Variants in BAG2 observed in about 807,000 individuals in gnomAD.
BAG2 encodes BAG cochaperone 2.
Under a neutral mutation model 16.4 loss-of-function variants are expected in BAG2, and 8 were observed. That is an observed-to-expected ratio of 0.49 (90% confidence interval 0.29 to 0.88). The LOEUF is 0.88. BAG2 is among the 40% of genes least tolerant of loss of function. BAG2 has a pLI of 0.09. For missense variants in BAG2, 218 were observed against 248.9 expected, an observed-to-expected ratio of 0.88 and a Z score of 0.84; for synonymous variants, 82 against 89.2, an observed-to-expected ratio of 0.92 and a Z score of 0.46.
At chr6:57,182,375 C>G (rs1364859108) in intron 2 of BAG2, among the ~76,000 whole-genome samples, 1 of 151,854 alleles carries the variant, frequency 6.6e-6, no homozygotes, top group Non-Finnish European at 1.5e-5. Context: ...TAGGAAAAAG[C>G]CTGCAAGCTC....
chr6:57,172,478 C>T lies in BAG2; in HGVS notation c.-220C>T. 1.5e-5 allele frequency: 6 copies of T among 389,534 alleles called. No homozygotes were observed. The highest frequency in any genetic ancestry group is 2.3e-5 in the Non-Finnish European group (5 of 214,624). 24.1% of individuals were successfully genotyped at this position (389,534 alleles called of 1,614,324 possible). On this transcript the variant is annotated 5_prime_UTR_variant, in exon 1 of 3. Coordinates refer to ENST00000370693, the MANE Select transcript of BAG2 (RefSeq NM_004282.4). ...TAACTCCAGCCGCTGCAGCCCCCTC[C>T]CAGGCCCGGCGTCCCCGAGCCCCGC... is the stretch of plus-strand genomic sequence containing the variant.
In BAG2 at chr6:57,189,375, T is replaced by TAATA. The variant is rs1764743916; in HGVS notation, c.*5186_*5189dup. 1 of 152,216 alleles carries TAATA rather than the reference T, an allele frequency of 6.6e-6. No homozygotes were observed. Among genetic ancestry groups the TAATA allele is most frequent in the African/African-American group, 2.4e-5 (1 of 41,454 alleles). The allele number at this position is 152,216 out of a possible 1,614,324, so 9.4% of individuals were successfully genotyped here. A position where few individuals can be genotyped will look rare whatever the true frequency, so the allele number is the denominator to read the frequency against. ...ATGTAATTTTAGTTAAGACTAATAA[T>TAATA]AATATTTTTGTGCACTTTAAAAATG... On this transcript the variant is annotated 3_prime_UTR_variant, in exon 3 of 3. Coordinates refer to ENST00000370693, the MANE Select transcript of BAG2 (RefSeq NM_004282.4).
chr6:57,176,354 T>C (rs1213320355), intron 1 of BAG2, among the ~76,000 whole-genome samples: 1 of 152,198 alleles, frequency 6.6e-6, no homozygotes, highest in Non-Finnish European at 1.5e-5. Flanking sequence ...TTTTCTTAAA[T>C]ATATCACATT....
Position 57,186,271 on chromosome 6 carries a change from T to C in BAG2, c.*2081T>C, listed in dbSNP as rs886753202. The C allele has an allele frequency of 1.3e-5, 2 of 152,252 alleles. No individual in the cohort carries two copies. The highest frequency in any genetic ancestry group is 2.4e-5 in the African/African-American group (1 of 41,448). The allele number at this position is 152,252 out of a possible 1,614,324, so 9.4% of individuals were successfully genotyped here. The stretch of plus-strand genomic sequence containing the variant: ...CATTTTGTAGACGTTTGGTGTTGAA[T>C]ATATGCTATGGAGGCAGTTTCTATA... On this transcript the variant is annotated 3_prime_UTR_variant, in exon 3 of 3. Coordinates refer to ENST00000370693, the MANE Select transcript of BAG2 (RefSeq NM_004282.4).
At position 57,172,452 on chromosome 6, in the gene BAG2, C is replaced by CT; in HGVS notation, c.-245dup. On this transcript the variant is annotated 5_prime_UTR_variant, in exon 1 of 3. Coordinates refer to ENST00000370693, the MANE Select transcript of BAG2 (RefSeq NM_004282.4). ...TCGAGCCCGTGTGGCTCGCGAACCT[C>CT]TAACTCCAGCCGCTGCAGCCCCCTC... The CT allele has an allele frequency of 3.0e-6, 1 of 330,892 alleles. No homozygotes were observed. The highest frequency in any genetic ancestry group is 6.9e-5 in the South Asian group (1 of 14,408). The allele number at this position is 330,892 out of a possible 1,614,324, so 20.5% of individuals were successfully genotyped here. A position where few individuals can be genotyped will look rare whatever the true frequency, so the allele number is the denominator to read the frequency against.
intron 2 of BAG2, among the ~76,000 whole-genome samples, chr6:57,183,208 GCTGA>G (rs1177254323): frequency 3.3e-5 from 5 of 152,324 alleles, no homozygotes; most frequent in Admixed American, 6.5e-5. Context: ...GCAGGAGCTT[GCTGA>G]CTTTCTCATA....
intron 1 of BAG2, among the ~76,000 whole-genome samples, chr6:57,176,715 G>GT (rs1420323230): frequency 2.6e-5 from 4 of 152,230 alleles, no homozygotes; most frequent in African/African-American, 4.8e-5. Flanking sequence ...CTGGCTTAAA[G>GT]TTTCATGTTA....
In BAG2 at chr6:57,172,824, G is replaced by A; in HGVS notation, c.113+14G>A. The A allele has an allele frequency of 6.8e-7, 1 of 1,478,814 alleles. No homozygotes were observed. The highest frequency in any genetic ancestry group is 9.0e-7 in the Non-Finnish European group (1 of 1,112,342). The allele number at this position is 1,478,814 out of a possible 1,614,324, so 91.6% of individuals were successfully genotyped here. A position where few individuals can be genotyped will look rare whatever the true frequency, so the allele number is the denominator to read the frequency against. The stretch of plus-strand genomic sequence containing the variant: ...GCTGGAGCTCAGGTGAGCTCCGGGC[G>A]GGCGGTCTCGGGCGTTCTGCTCGCC... On this transcript the variant is annotated intron_variant, in intron 1 of 2. Coordinates refer to ENST00000370693, the MANE Select transcript of BAG2 (RefSeq NM_004282.4).
At position 57,183,781 on chromosome 6, in the gene BAG2, A is replaced by T; in HGVS notation, c.227A>T (p.Glu76Val). ...SQDMRQISDG[E>V]REELNLTANR... Reference sequence around the variant, plus strand: ...TACATCTCATATTGATTTTTAGGAGAAAGAGAAGAATTAAATCTGACTGCA... The same window carrying T: ...TACATCTCATATTGATTTTTAGGAGTAAGAGAAGAATTAAATCTGACTGCA... The change falls in exon 3 of 3, where the codon GAA (glutamate) becomes GTA (valine). Residue 76 changes from glutamate to valine, a missense_variant. Glu to Val is a moderately radical substitution (Grantham distance 121, BLOSUM62 -2). Transcript: ENST00000370693. The T allele has an allele frequency of 6.4e-7, 1 of 1,556,768 alleles. No individual in the cohort carries two copies.
chr6:57,183,347 TC>T (rs1490490611), intron 2 of BAG2, among the ~76,000 whole-genome samples: 7 of 152,244 alleles, frequency 4.6e-5, no homozygotes, highest in Non-Finnish European at 1.0e-4. Flanking sequence ...TTATCTTCTA[TC>T]GTGGCTACAT....
At position 57,187,681 on chromosome 6, in the gene BAG2, C is replaced by T. The variant is rs531538724; in HGVS notation, c.*3491C>T. 32 of 152,102 alleles carry T rather than the reference C, an allele frequency of 2.1e-4. No homozygotes were observed. Among genetic ancestry groups the T allele is most frequent in the African/African-American group, 7.2e-4 (30 of 41,496 alleles). The allele number at this position is 152,102 out of a possible 1,614,324, so 9.4% of individuals were successfully genotyped here. On this transcript the variant is annotated 3_prime_UTR_variant, in exon 3 of 3. Coordinates refer to ENST00000370693, the MANE Select transcript of BAG2 (RefSeq NM_004282.4). ...GGACATTAGGTCCTAAGGCCAACTC[C>T]CTATTCTAAGGTCTTCAGAAAAGGT...
At position 57,184,351 on chromosome 6, in the gene BAG2, A is replaced by T; in HGVS notation, c.*161A>T. 1 of 576,718 alleles carries T rather than the reference A, an allele frequency of 1.7e-6. No individual in the cohort carries two copies. The highest frequency in any genetic ancestry group is 2.7e-6 in the Non-Finnish European group (1 of 374,574). 35.7% of individuals were successfully genotyped at this position (576,718 alleles called of 1,614,324 possible). A position where few individuals can be genotyped will look rare whatever the true frequency, so the allele number is the denominator to read the frequency against. On this transcript the variant is annotated 3_prime_UTR_variant, in exon 3 of 3. Transcript: ENST00000370693. ...CCATCAAGTATCTTCAGTTTTGTGA[A>T]TAACAAAACTAGCAATATTTTAATT...
rs936148261 is a variant in BAG2, at chr6:57,185,514, ATT to A, written c.*1327_*1328del. 6.6e-6 allele frequency: 1 copy of A among 152,198 alleles called. No homozygotes were observed. The highest frequency in any genetic ancestry group is 1.5e-5 in the Non-Finnish European group (1 of 68,048). The allele number at this position is 152,198 out of a possible 1,614,324, so 9.4% of individuals were successfully genotyped here. A position where few individuals can be genotyped will look rare whatever the true frequency, so the allele number is the denominator to read the frequency against. ...CTCAATGCAAGCAATATCAAACTTC[ATT>A]TTCTCTACAAAAATGCCAAGTTAGT... On this transcript the variant is annotated 3_prime_UTR_variant, in exon 3 of 3. Transcript: ENST00000370693.
rs1326991878 is a variant in BAG2 at position 57,177,065 on chromosome 6, T to C, written c.113+4255T>C. 5.3e-5 allele frequency among the ~76,000 whole-genome samples: 8 copies of C among 152,310 alleles called. No individual in the cohort carries two copies. The East Asian group carries it at 1.3e-3, about 26-fold the overall frequency. The stretch of plus-strand genomic sequence containing the variant: ...ATTTTACATTGCCTAAAAGTGATCA[T>C]TATAGCATTCTTTTGATATAGGAGT... On this transcript the variant is annotated intron_variant, in intron 1 of 2. Transcript: ENST00000370693.
intron 1 of BAG2, chr6:57,174,524 T>A (rs1184067635): frequency 2.8e-6 from 2 of 725,244 alleles, no homozygotes; most frequent in Non-Finnish European, 4.0e-6. Context: ...AATTACAACT[T>A]GCTTAATTAA....
In BAG2 at chr6:57,187,393, A is replaced by G. The variant is rs886214673; in HGVS notation, c.*3203A>G. On this transcript the variant is annotated 3_prime_UTR_variant, in exon 3 of 3. Transcript: ENST00000370693. ...TTCATCTGTATGATGAGAGACTTACATGTTTTATAGCTGAAAACCTAAGGA... is the reference window on the plus strand; with the variant it reads ...TTCATCTGTATGATGAGAGACTTACGTGTTTTATAGCTGAAAACCTAAGGA... The G allele has an allele frequency of 1.3e-5, 2 of 152,184 alleles. No homozygotes were observed. Among genetic ancestry groups the G allele is most frequent in the Non-Finnish European group, 2.9e-5 (2 of 68,026 alleles). The allele number at this position is 152,184 out of a possible 1,614,324, so 9.4% of individuals were successfully genotyped here. A position where few individuals can be genotyped will look rare whatever the true frequency, so the allele number is the denominator to read the frequency against.
At chr6:57,182,619 A>G (rs1286837711) in intron 2 of BAG2, among the ~76,000 whole-genome samples, 1 of 151,938 alleles carries the variant, frequency 6.6e-6, no homozygotes, top group African/African-American at 2.4e-5. Context: ...TGTAGGACCA[A>G]TAAAAGGCAT....
intron 1 of BAG2, among the ~76,000 whole-genome samples, chr6:57,175,596 G>A (rs1044271367): frequency 2.0e-5 from 3 of 152,184 alleles, no homozygotes; most frequent in Non-Finnish European, 4.4e-5. Flanking sequence ...GTCTGTTAGA[G>A]TGAGGGCATA....
chr6:57,189,515 T>C lies in BAG2; in HGVS notation c.*5325T>C, dbSNP rs1450868920. The C allele has an allele frequency of 6.6e-6, 1 of 152,210 alleles. No homozygotes were observed. The highest frequency in any genetic ancestry group is 1.9e-4 in the East Asian group (1 of 5,200). 9.4% of individuals were successfully genotyped at this position (152,210 alleles called of 1,614,324 possible). A position where few individuals can be genotyped will look rare whatever the true frequency, so the allele number is the denominator to read the frequency against. On this transcript the variant is annotated 3_prime_UTR_variant, in exon 3 of 3. Transcript: ENST00000370693. ...ATGACTGCAGATGTGCTGTGTACCT[T>C]CTTAAGGGGCTTTGGCTGACCTTAT...
Sources: gnomAD v4.1 joint callset for allele counts (sites outside exome capture counted in the v4.1 genomes callset) on GRCh38, gnomAD v4.1.1 for gene constraint, MANE v1.5 for transcripts, NCBI Gene and HGNC (gene_info 2026-07-23, HGNC 2026-07-21) for gene names.